Variants in ZFR2 observed in about 807,000 individuals in gnomAD.
ZFR2 encodes the protein zinc finger RNA binding protein 2, also known as zinc finger RNA-binding protein 2.
In ZFR2, 104 loss-of-function variants were observed where a neutral mutation model predicts 105.7. That is an observed-to-expected ratio of 0.98 (90% CI 0.84 to 1.16). The LOEUF (loss-of-function observed/expected upper bound fraction) is 1.16, where lower values mean the gene tolerates loss of function less well. Ranked by LOEUF, ZFR2 falls within the 50% of genes most tolerant of loss-of-function variation. The pLI, the probability that ZFR2 is intolerant of heterozygous loss-of-function variation, is 0.00. For missense variants in ZFR2, 1,425 were observed against 1,355.5 expected, an observed-to-expected ratio of 1.05 and a Z score of -0.80; for synonymous variants, 634 against 597.7, an observed-to-expected ratio of 1.06 and a Z score of -0.89.
intron 16 of ZFR2, among the ~76,000 whole-genome samples, chr19:3,810,127 G>A (rs1260180372): frequency 6.6e-6 from 1 of 152,158 alleles, no homozygotes; most frequent in African/African-American, 2.4e-5. Flanking sequence ...AGCACGGGAT[G>A]GGGGACGCCA....
In ZFR2 at chr19:3,813,460, C is replaced by G. The variant is rs1392959207; in HGVS notation, c.2242+360G>C. ...GTCAAACTGAGCTTCTGCCGTGACC[C>G]AGGGGAAATGGCTCAGACCTGTCCT... On this transcript the variant is annotated intron_variant, in intron 14 of 18. Coordinates refer to ENST00000262961, the MANE Select transcript of ZFR2 (RefSeq NM_015174.2). This position sits in a 1 kb window ranked among gnomAD's most constrained non-coding sequence, Gnocchi z 4.4. 6.6e-6 allele frequency among the ~76,000 whole-genome samples: 1 copy of G among 152,166 alleles called. No homozygotes were observed. The highest frequency in any genetic ancestry group is 1.9e-4 in the East Asian group (1 of 5,176).
rs1026762409 is a variant in ZFR2 at position 3,816,789 on chromosome 19, G to A, written c.1988C>T (p.Ala663Val). 6.2e-6 allele frequency: 10 copies of A among 1,600,492 alleles called. No homozygotes were observed. The highest frequency in any genetic ancestry group is 1.1e-5 in the South Asian group (1 of 88,814). The change falls in exon 13 of 19, where the codon GCG becomes GTG. Residue 663 changes from alanine to valine, a missense_variant. By Grantham distance (64) the Ala-to-Val change is moderately conservative. Transcript: ENST00000262961. ...LKGVMRVGIL[A>V]KGLLLRGDRN... The stretch of plus-strand genomic sequence containing the variant: ...GTCCCCACGCAGGAGGAGGCCTTTC[G>A]CCAGGATGCCTACTCGCATGACGCC...
At chr19:3,862,320 T>C (rs931189841) in intron 1 of ZFR2, among the ~76,000 whole-genome samples, 1 of 152,120 alleles carries the variant, frequency 6.6e-6, no homozygotes, top group Non-Finnish European at 1.5e-5. Context: ...TCTTTTGAGA[T>C]GGAGTCTCAC....
chr19:3,838,738 C>G lies in ZFR2; in HGVS notation c.54-3755G>C, dbSNP rs962854718. On this transcript the variant is annotated intron_variant, in intron 1 of 18. Coordinates refer to ENST00000262961, the MANE Select transcript of ZFR2 (RefSeq NM_015174.2). This position sits in a 1 kb window ranked among gnomAD's most constrained non-coding sequence, Gnocchi z 4.9. ...CGAGCCCTCCTGGAGCCCCTGTGGC[C>G]TGATGCTGATCAGCCTCTGTCCCCT... Among the ~76,000 whole-genome samples, 1 of 152,148 alleles carries G rather than the reference C, an allele frequency of 6.6e-6. No individual in the cohort carries two copies. The highest frequency in any genetic ancestry group is 2.4e-5 in the African/African-American group (1 of 41,426).
At chr19:3,811,449 G>A in intron 14 of ZFR2, 83 bp from the exon 15 acceptor site, 1 of 1,292,330 alleles carries the variant, frequency 7.7e-7, no homozygotes, top group Non-Finnish European at 1.1e-6. Flanking sequence ...CTCAGTTTGG[G>A]CCCCTCGACG....
intron 10 of ZFR2, 91 bp from the exon 11 acceptor site, chr19:3,820,381 G>A: frequency 8.0e-7 from 1 of 1,248,172 alleles, no homozygotes. Flanking sequence ...TATGCTCCCA[G>A]CAAGGAAGGA....
At chr19:3,824,343 G>A (rs2037926762) in intron 7 of ZFR2, among the ~76,000 whole-genome samples, 3 of 152,190 alleles carry the variant, frequency 2.0e-5, no homozygotes. Context: ...TTGTCGTGGA[G>A]GTAAAGCGAA....
chr19:3,831,912 A>G, intron 3 of ZFR2, 34 bp from the exon 4 acceptor site: 2 of 1,475,040 alleles, frequency 1.4e-6, no homozygotes, highest in Non-Finnish European at 1.8e-6. Flanking sequence ...TGCAGAGCCA[A>G]CCCCCACCCC....
At chr19:3,812,144 G>A (rs561938789) in intron 14 of ZFR2, among the ~76,000 whole-genome samples, 1 of 151,756 alleles carries the variant, frequency 6.6e-6, no homozygotes, top group Non-Finnish European at 1.5e-5. Context: ...GCGTTTCACC[G>A]TGTTGGCCAG....
chr19:3,814,589 G>A (rs1262669630), intron 13 of ZFR2, among the ~76,000 whole-genome samples: 1 of 152,192 alleles, frequency 6.6e-6, no homozygotes, highest in Non-Finnish European at 1.5e-5. Flanking sequence ...ACATTACTGG[G>A]GTGGATGTTG....
intron 12 of ZFR2, 59 bp from the exon 13 acceptor site, chr19:3,816,904 T>G: frequency 6.8e-7 from 1 of 1,472,220 alleles, no homozygotes. Flanking sequence ...GTACCCCAGC[T>G]GCCTCCCTCC....
rs777737931 is a variant in ZFR2, at chr19:3,813,883, T to C, written c.2179A>G (p.Arg727Gly). Residue 727 changes from arginine (R) to glycine (G), a missense_variant, in exon 14 of 19, where the codon AGG (arginine) becomes GGG (glycine). Coordinates refer to ENST00000262961, the MANE Select transcript of ZFR2 (RefSeq NM_015174.2). The surrounding 1 kb of genome is among the most constrained non-coding windows in gnomAD (Gnocchi z 4.4). ...NIVISSCEEP[R>G]MQVTISVTSP... ...GTGACAGATATGGTGACCTGCATCC[T>C]GGGCTCCTCACAGGAGGAGATGACA... 4 of 1,613,830 alleles carry C rather than the reference T, an allele frequency of 2.5e-6. No individual in the cohort carries two copies. The East Asian group carries it at 6.7e-5, about 27-fold the overall frequency.
chr19:3,825,616 T>C (rs2037940954), intron 6 of ZFR2, among the ~76,000 whole-genome samples: 1 of 152,176 alleles, frequency 6.6e-6, no homozygotes, highest in South Asian at 2.1e-4. Flanking sequence ...CACACGTGCT[T>C]GTGACTTCTC....
intron 1 of ZFR2, among the ~76,000 whole-genome samples, chr19:3,841,643 C>CA (rs2038134289): frequency 6.6e-6 from 1 of 151,592 alleles, no homozygotes; most frequent in Non-Finnish European, 1.5e-5. Flanking sequence ...CCTGTCACCA[C>CA]AAAAAATTAA....
At chr19:3,841,369 G>A (rs952104303) in intron 1 of ZFR2, among the ~76,000 whole-genome samples, 2 of 152,198 alleles carry the variant, frequency 1.3e-5, no homozygotes, top group Non-Finnish European at 2.9e-5. Context: ...TGTGTTCAAA[G>A]CATGGTTCTG....
intron 9 of ZFR2, among the ~76,000 whole-genome samples, 168 bp from the exon 10 acceptor site, chr19:3,821,647 CTT>C (rs1439602138): frequency 3.0e-4 from 39 of 128,830 alleles, no homozygotes; most frequent in African/African-American, 8.3e-4. Flanking sequence ...GAGTCTTGCT[CTT>C]GTCTCCCAGG....
rs1599233350 is a variant in ZFR2 at position 3,827,585 on chromosome 19, C to T, written c.921G>A (p.Gln307=). The T allele has an allele frequency of 6.3e-7, 1 of 1,575,348 alleles. No individual in the cohort carries two copies. Among genetic ancestry groups the T allele is most frequent in the Non-Finnish European group, 8.6e-7 (1 of 1,160,952 alleles). The change falls in exon 6 of 19, where the codon CAG becomes CAA. Residue 307 remains glutamine (Q), a synonymous_variant. Coordinates refer to ENST00000262961, the MANE Select transcript of ZFR2 (RefSeq NM_015174.2). Reference sequence around the variant, plus strand: ...GCACCCCGCGCGGGCTCCCGTTGGGCTGCACGCCTGTCTTCTGGGCCGCCT... The same window carrying T: ...GCACCCCGCGCGGGCTCCCGTTGGGTTGCACGCCTGTCTTCTGGGCCGCCT... ...KKEAAQKTGV[Q]PNGSPRGVQA... is the part of the protein sequence containing the mutation.
chr19:3,830,849 C>A (rs558652975), intron 5 of ZFR2, among the ~76,000 whole-genome samples: 69 of 152,276 alleles, frequency 4.5e-4, no homozygotes, highest in South Asian at 1.0e-3. Context: ...GGTAAAGATT[C>A]TTTCACGTAT....
At chr19:3,807,549 A>G (rs56399108) in intron 17 of ZFR2, among the ~76,000 whole-genome samples, 20,021 of 129,488 alleles carry the variant, frequency 0.15, 1,651 homozygotes, top group Admixed American at 0.31. Context: ...ATATACACAT[A>G]CGCTGACGTG....
Sources: gnomAD v4.1 joint callset for allele counts (sites outside exome capture counted in the v4.1 genomes callset) on GRCh38, gnomAD v4.1.1 for gene constraint, Gnocchi (gnomAD v3.1) non-coding constraint, MANE v1.5 for transcripts, NCBI Gene and HGNC (gene_info 2026-07-23, HGNC 2026-07-21) for gene names.